PDAP1: variants seen among roughly 807,000 people sequenced by gnomAD.
PDAP1 encodes the protein 28 kDa heat- and acid-stable phosphoprotein.
In PDAP1, 13 loss-of-function variants were observed where a neutral mutation model predicts 28.0. That is an observed-to-expected ratio of 0.46 (90% CI 0.30 to 0.74). The LOEUF is 0.74. Among genes scored for constraint, PDAP1 ranks in the 30% least tolerant of loss-of-function variants. The pLI, the probability that PDAP1 is intolerant of heterozygous loss-of-function variation, is 0.07. For missense variants in PDAP1, 150 were observed against 230.0 expected, an observed-to-expected ratio of 0.65 and a Z score of 2.25; for synonymous variants, 77 against 85.1, an observed-to-expected ratio of 0.91 and a Z score of 0.52.
In PDAP1 at chr7:99,396,655, C is replaced by T; in HGVS notation, c.*27G>A. The stretch of plus-strand genomic sequence containing the variant: ...AGGTCCTGGCAGCGCGGCCCAGGTC[C>T]CCGGCATCTCCTCCCACGGGTCGCA... On this transcript the variant is annotated 3_prime_UTR_variant, in exon 6 of 6. Coordinates refer to ENST00000350498, the MANE Select transcript of PDAP1 (RefSeq NM_014891.7). 1 of 1,601,106 alleles carries T rather than the reference C, an allele frequency of 6.2e-7. No homozygotes were observed. The highest frequency in any genetic ancestry group is 8.5e-7 in the Non-Finnish European group (1 of 1,169,998).
chr7:99,399,088 G>T (rs929748706), intron 4 of PDAP1, among the ~76,000 whole-genome samples: 1 of 152,078 alleles, frequency 6.6e-6, no homozygotes, highest in African/African-American at 2.4e-5. Flanking sequence ...AGGAGGGGAG[G>T]GCCCTGCCTG....
rs765074108 is a variant in PDAP1 at position 99,403,404 on chromosome 7, G to C, written c.207C>G (p.Asp69Glu). Residue 69 changes from aspartate to glutamate, a missense_variant, in exon 3 of 6, where the codon GAC (aspartate) becomes GAG (glutamate). Coordinates refer to ENST00000350498, the MANE Select transcript of PDAP1 (RefSeq NM_014891.7). The stretch of plus-strand genomic sequence containing the variant: ...CCTCAAAAGAACTCAGTACCTGGTA[G>C]TCATCTTCTTCATCCTCACTCTCAT... ...DSDESEDEED[D>E]YQQKRKGVEG... 1 of 1,587,098 alleles carries C rather than the reference G, an allele frequency of 6.3e-7. No homozygotes were observed. Among genetic ancestry groups the C allele is most frequent in the Non-Finnish European group, 8.7e-7 (1 of 1,155,344 alleles).
chr7:99,397,714 A>G, intron 5 of PDAP1, 148 bp downstream of exon 5: 1 of 849,358 alleles, frequency 1.2e-6, no homozygotes, highest in Non-Finnish European at 1.8e-6. Flanking sequence ...AGGCACAGGG[A>G]GGGTGGCCCT....
At chr7:99,405,019 T>G in intron 1 of PDAP1, 66 bp from the exon 2 acceptor site, 1 of 1,224,174 alleles carries the variant, frequency 8.2e-7, no homozygotes, top group Non-Finnish European at 1.2e-6. Context: ...CCCAGAGGGC[T>G]GTGTCCTGCT....
intron 5 of PDAP1, among the ~76,000 whole-genome samples, chr7:99,397,278 A>AC (rs1231861504): frequency 1.3e-5 from 2 of 151,722 alleles, no homozygotes; most frequent in African/African-American, 4.8e-5. Context: ...GCTCTCACAG[A>AC]CCCCCGGGAG....
intron 4 of PDAP1, among the ~76,000 whole-genome samples, chr7:99,398,942 T>C (rs1303998896): frequency 6.6e-6 from 1 of 152,124 alleles, no homozygotes; most frequent in African/African-American, 2.4e-5. Context: ...ACCCCCTAAG[T>C]AGAGTCAGTG....
intron 4 of PDAP1, among the ~76,000 whole-genome samples, 176 bp downstream of exon 4, chr7:99,400,127 T>C (rs1040920609): frequency 1.3e-5 from 2 of 152,220 alleles, no homozygotes; most frequent in Non-Finnish European, 2.9e-5. Flanking sequence ...CCTGATATCA[T>C]GTATCAATTG....
chr7:99,404,281 G>A (rs1794930517), intron 2 of PDAP1, among the ~76,000 whole-genome samples: 1 of 152,146 alleles, frequency 6.6e-6, no homozygotes, highest in East Asian at 1.9e-4. Context: ...TAATGATATG[G>A]TAAGATGCAG....
At chr7:99,404,017 G>A (rs1453013115) in intron 2 of PDAP1, among the ~76,000 whole-genome samples, 3 of 152,084 alleles carry the variant, frequency 2.0e-5, no homozygotes, top group East Asian at 1.9e-4. Context: ...ACAACACCTC[G>A]GAAGGCTGCT....
chr7:99,394,838 G>GT lies in PDAP1; in HGVS notation c.*1843dup. 1 of 1,239,642 alleles carries GT rather than the reference G, an allele frequency of 8.1e-7. No individual in the cohort carries two copies. Among genetic ancestry groups the GT allele is most frequent in the Non-Finnish European group, 1.0e-6 (1 of 991,950 alleles). 76.8% of individuals were successfully genotyped at this position (1,239,642 alleles called of 1,614,324 possible). A position where few individuals can be genotyped will look rare whatever the true frequency, so the allele number is the denominator to read the frequency against. ...CATGCTTGCCTATGTGGAAGGAGAG[G>GT]TTTTTTGTTATTTCCTTGGGGTCTT... On this transcript the variant is annotated 3_prime_UTR_variant, in exon 6 of 6. Coordinates refer to ENST00000350498, the MANE Select transcript of PDAP1 (RefSeq NM_014891.7).
chr7:99,406,663 G>C, intron 1 of PDAP1: 2 of 955,522 alleles, frequency 2.1e-6, no homozygotes, highest in Non-Finnish European at 2.5e-6. Flanking sequence ...AAGTATGCAA[G>C]GGTGGCTGTG....
rs1461338121 is a variant in PDAP1 at position 99,400,336 on chromosome 7, A to G, written c.302T>C (p.Leu101Pro). ...CCTCGAAAGCTCCTTTGGCCCGTCC[A>G]GATCCAGTTGTGTGACCTTTTTGGT... ...QTTKKVTQLDLDGPKELSRRE... is the reference protein window; with the variant it reads ...QTTKKVTQLDPDGPKELSRRE... The change falls in exon 4 of 6, where the codon CTG (leucine) becomes CCG (proline). Residue 101 changes from leucine (L) to proline (P), a missense_variant. By Grantham distance (98) the Leu-to-Pro change is moderately conservative. Transcript: ENST00000350498. 9.3e-6 allele frequency: 15 copies of G among 1,613,980 alleles called. No individual in the cohort carries two copies. The highest frequency in any genetic ancestry group is 3.3e-5 in the Admixed American group (2 of 60,012).
In PDAP1 at chr7:99,396,460, C is replaced by T. The variant is rs1794761294; in HGVS notation, c.*222G>A. The T allele has an allele frequency of 1.0e-5, 6 of 599,456 alleles. No individual in the cohort carries two copies. The South Asian group carries it at 1.2e-4, about 12-fold the overall frequency. The allele number at this position is 599,456 out of a possible 1,614,324, so 37.1% of individuals were successfully genotyped here. A position where few individuals can be genotyped will look rare whatever the true frequency, so the allele number is the denominator to read the frequency against. ...AAATGGTTACATATGAAATGCTGTC[C>T]TGCATCTTTCTGTCTCAAAGATAGC... On this transcript the variant is annotated 3_prime_UTR_variant, in exon 6 of 6. Coordinates refer to ENST00000350498, the MANE Select transcript of PDAP1 (RefSeq NM_014891.7).
intron 1 of PDAP1, 97 bp from the exon 2 acceptor site, chr7:99,405,050 C>T (rs1294407010): frequency 3.7e-6 from 3 of 817,006 alleles, no homozygotes; most frequent in East Asian, 2.6e-5. Flanking sequence ...TCATCGGAGG[C>T]CTCACCTACC....
chr7:99,406,323 C>G (rs942242630), intron 1 of PDAP1, among the ~76,000 whole-genome samples: 4 of 152,064 alleles, frequency 2.6e-5, no homozygotes, highest in Admixed American at 2.0e-4. Flanking sequence ...AACAAAAGCA[C>G]CACTGAGCAC....
intron 2 of PDAP1, 84 bp from the exon 3 acceptor site, chr7:99,403,589 G>C: frequency 1.1e-6 from 1 of 907,604 alleles, no homozygotes; most frequent in Non-Finnish European, 1.8e-6. Flanking sequence ...CCAGACTGTG[G>C]ATCTTGAGAA....
intron 3 of PDAP1, among the ~76,000 whole-genome samples, chr7:99,400,800 G>T (rs892930950): frequency 1.3e-5 from 2 of 152,082 alleles, no homozygotes; most frequent in African/African-American, 4.8e-5. Context: ...AAAAAGCGCT[G>T]GGCTGGAATC....
rs572485595 is a variant in PDAP1 at position 99,397,788 on chromosome 7, A to G, written c.487+74T>C. ...TCATTGTCACCTCGCGGACAGGGAC[A>G]CGAGTTCAGTGCTTTGTGGCTGGCC... On this transcript the variant is annotated intron_variant, in intron 5 of 5. Transcript: ENST00000350498. The G allele has an allele frequency of 6.7e-5, 104 of 1,555,348 alleles. No homozygotes were observed. In the East Asian group the frequency reaches 2.3e-3, roughly 35 times the overall value.
intron 3 of PDAP1, 115 bp downstream of exon 3, chr7:99,403,283 T>G (rs1794913538): frequency 1.5e-6 from 1 of 682,516 alleles, no homozygotes; most frequent in African/African-American, 1.8e-5. Context: ...GTGTAAACCC[T>G]CAAGAGCAAG....
Sources: allele counts gnomAD v4.1 joint callset (sites outside exome capture counted in the v4.1 genomes callset), GRCh38; gene constraint gnomAD v4.1.1; transcripts MANE v1.5; gene names NCBI Gene and HGNC (gene_info 2026-07-23, HGNC 2026-07-21).